Variants in AGBL4 observed in about 807,000 individuals in gnomAD.
AGBL4 encodes AGBL carboxypeptidase 4, also known as cytosolic carboxypeptidase 6.
Under a neutral mutation model 66.4 loss-of-function variants are expected in AGBL4, and 58 were observed. The ratio of observed to expected loss-of-function variants is 0.87; its 90% CI spans 0.71 to 1.09. AGBL4 has a LOEUF of 1.09. AGBL4 is among the 50% of genes least tolerant of loss of function. The pLI, the probability that AGBL4 is intolerant of heterozygous loss-of-function variation, is 0.00. For synonymous variants in AGBL4, 234 were observed against 222.9 expected, an observed-to-expected ratio of 1.05 and a Z score of -0.44; for missense variants, 579 against 631.0, an observed-to-expected ratio of 0.92 and a Z score of 0.88.
intron 3 of AGBL4, among the ~76,000 whole-genome samples, chr1:49,485,358 C>CA (rs1421101439): frequency 6.8e-6 from 1 of 146,350 alleles, no homozygotes; most frequent in East Asian, 2.0e-4. Flanking sequence ...ATCGCAAGGA[C>CA]AAAAAACCAA....
intron 6 of AGBL4, among the ~76,000 whole-genome samples, chr1:48,763,166 G>T (rs1045222424): frequency 6.6e-6 from 1 of 152,026 alleles, no homozygotes; most frequent in African/African-American, 2.4e-5. Flanking sequence ...GATGATAAAT[G>T]AACTGCTCAG....
intron 3 of AGBL4, among the ~76,000 whole-genome samples, chr1:49,281,738 GA>G (rs1644277134): frequency 6.6e-6 from 1 of 152,202 alleles, no homozygotes; most frequent in Non-Finnish European, 1.5e-5. Context: ...GCATCCAAAA[GA>G]AATCTTAAAA....
At chr1:49,967,183 T>G (rs565941112) in intron 1 of AGBL4, among the ~76,000 whole-genome samples, 1 of 152,306 alleles carries the variant, frequency 6.6e-6, no homozygotes, top group South Asian at 2.1e-4. Context: ...TTCCTGACTT[T>G]TAATGATCAC....
intron 12 of AGBL4, among the ~76,000 whole-genome samples, chr1:48,536,583 T>G (rs573978508): frequency 6.6e-6 from 1 of 152,330 alleles, no homozygotes; most frequent in Admixed American, 6.5e-5. Flanking sequence ...CCTCTAGCAG[T>G]TGGCACAAGG....
intron 2 of AGBL4, among the ~76,000 whole-genome samples, chr1:49,760,425 A>G (rs1223713494): frequency 1.3e-5 from 2 of 152,190 alleles, no homozygotes; most frequent in Non-Finnish European, 2.9e-5. Context: ...AAAAAAGCTC[A>G]ACATTACTGA....
intron 2 of AGBL4, among the ~76,000 whole-genome samples, chr1:49,740,443 T>G (rs1571451027): frequency 1.3e-5 from 2 of 152,092 alleles, no homozygotes; most frequent in African/African-American, 4.8e-5. Context: ...TCCCACACAA[T>G]AATAATGGGA....
intron 1 of AGBL4, among the ~76,000 whole-genome samples, chr1:49,862,417 T>A: frequency 6.7e-6 from 1 of 149,714 alleles, no homozygotes; most frequent in Non-Finnish European, 1.5e-5. Context: ...ATAGCAAATT[T>A]AAGAGATAAT....
intron 2 of AGBL4, among the ~76,000 whole-genome samples, chr1:49,739,952 C>T (rs190518715): frequency 4.4e-4 from 67 of 152,232 alleles, no homozygotes; most frequent in Admixed American, 9.8e-4. Context: ...AAAAACATGT[C>T]GAATTCTAAA....
At chr1:49,663,630 G>A (rs1431207994) in intron 3 of AGBL4, among the ~76,000 whole-genome samples, 1 of 151,880 alleles carries the variant, frequency 6.6e-6, no homozygotes, top group Non-Finnish European at 1.5e-5. Context: ...AACAATTAGT[G>A]GTACCATAAT....
intron 6 of AGBL4, among the ~76,000 whole-genome samples, chr1:48,834,470 G>A (rs1646630575): frequency 1.3e-5 from 2 of 152,136 alleles, no homozygotes; most frequent in African/African-American, 4.8e-5. Flanking sequence ...GATAGTATGT[G>A]GAGGTAAGGC....
chr1:48,685,074 G>T (rs79838589), intron 6 of AGBL4, among the ~76,000 whole-genome samples: 5,850 of 152,288 alleles, frequency 0.038, 377 homozygotes, highest in African/African-American at 0.13. Context: ...ATGGTGCATG[G>T]TGCACACGGC....
intron 5 of AGBL4, among the ~76,000 whole-genome samples, chr1:48,912,463 C>T (rs931168669): frequency 6.6e-6 from 1 of 152,136 alleles, no homozygotes; most frequent in Non-Finnish European, 1.5e-5. Flanking sequence ...TTTTCCTGCC[C>T]AGGACGTTGC....
intron 2 of AGBL4, among the ~76,000 whole-genome samples, chr1:49,777,056 C>T (rs576618076): frequency 3.9e-5 from 6 of 152,000 alleles, no homozygotes; most frequent in Non-Finnish European, 7.4e-5. Flanking sequence ...AAGGACCATA[C>T]GGTATGAAAA....
intron 4 of AGBL4, among the ~76,000 whole-genome samples, chr1:49,094,714 A>G (rs1645062561): frequency 6.6e-6 from 1 of 152,086 alleles, no homozygotes; most frequent in African/African-American, 2.4e-5. Context: ...TTTATGACAA[A>G]CCCACGGCCA....
chr1:49,739,109 G>A (rs1157483270), intron 2 of AGBL4, among the ~76,000 whole-genome samples: 4 of 152,198 alleles, frequency 2.6e-5, no homozygotes, highest in African/African-American at 9.7e-5. Context: ...ACTACTCTGA[G>A]CTAAAGGAGG....
intron 2 of AGBL4, among the ~76,000 whole-genome samples, chr1:49,706,425 G>GTAT (rs1164169683): frequency 6.6e-6 from 1 of 151,608 alleles, no homozygotes; most frequent in Non-Finnish European, 1.5e-5. Context: ...TGTGTTTTTT[G>GTAT]TATTCTTCTC....
chr1:49,249,167 T>A (rs758907172), intron 3 of AGBL4, among the ~76,000 whole-genome samples: 9 of 152,160 alleles, frequency 5.9e-5, no homozygotes, highest in Non-Finnish European at 1.2e-4. Context: ...TTTTGTCCAA[T>A]CATAAGTACA....
intron 3 of AGBL4, among the ~76,000 whole-genome samples, chr1:49,620,687 G>T (rs6588353): frequency 6.6e-6 from 1 of 151,858 alleles, no homozygotes; most frequent in Non-Finnish European, 1.5e-5. Context: ...GAGGAAAATC[G>T]TAACTACCTA....
chr1:49,123,520 T>C (rs1419446710), intron 4 of AGBL4, among the ~76,000 whole-genome samples: 1 of 152,188 alleles, frequency 6.6e-6, no homozygotes, highest in Non-Finnish European at 1.5e-5. Context: ...AGAACAACAG[T>C]TTGCTCTCTC....
Sources: allele counts gnomAD v4.1 joint callset (sites outside exome capture counted in the v4.1 genomes callset), GRCh38; gene constraint gnomAD v4.1.1; transcripts MANE v1.5; gene names NCBI Gene and HGNC (gene_info 2026-07-23, HGNC 2026-07-21).